SPTBN1: variants seen among roughly 807,000 people sequenced by gnomAD.
The protein encoded by SPTBN1 is spectrin beta chain, non-erythrocytic 1.
A neutral mutation model predicts 266.4 loss-of-function variants in SPTBN1; 32 were observed. The observed-to-expected ratio is 0.12, with a 90% CI of 0.09 to 0.16. The LOEUF (loss-of-function observed/expected upper bound fraction) is 0.16, where lower values mean the gene tolerates loss of function less well. Among genes scored for constraint, SPTBN1 ranks in the 10% least tolerant of loss-of-function variants. SPTBN1 has a pLI of 1.00. For synonymous variants in SPTBN1, 1,336 were observed against 1,162.2 expected (o/e 1.15, Z -3.04); for missense variants, 2,296 against 3,067.1 (o/e 0.75, Z 5.94).
At chr2:54,542,891 A>G (rs887664792) in intron 2 of SPTBN1, among the ~76,000 whole-genome samples, 1 of 152,218 alleles carries the variant, frequency 6.6e-6, no homozygotes, top group South Asian at 2.1e-4. Flanking sequence ...TTTGGTCACA[A>G]ATCTGCAAGG....
intron 2 of SPTBN1, among the ~76,000 whole-genome samples, chr2:54,550,880 G>C (rs780546432): frequency 1.3e-5 from 2 of 152,178 alleles, no homozygotes; most frequent in Non-Finnish European, 2.9e-5. Context: ...GGCTGAGAAC[G>C]TGTCAGATGA....
chr2:54,535,301 T>G (rs754347064), intron 2 of SPTBN1, among the ~76,000 whole-genome samples: 1 of 152,146 alleles, frequency 6.6e-6, no homozygotes, highest in Non-Finnish European at 1.5e-5. Flanking sequence ...CATTCAGCAG[T>G]TTTTAAAATA....
At chr2:54,576,907 GA>G (rs1471185161) in intron 2 of SPTBN1, among the ~76,000 whole-genome samples, 2 of 152,168 alleles carry the variant, frequency 1.3e-5, no homozygotes, top group Non-Finnish European at 2.9e-5. Context: ...CATTTTGGAG[GA>G]ATTGACATTG....
intron 17 of SPTBN1, among the ~76,000 whole-genome samples, chr2:54,635,512 A>G (rs1229704513): frequency 6.6e-6 from 1 of 152,252 alleles, no homozygotes; most frequent in East Asian, 1.9e-4. Context: ...TGGGCCGGTA[A>G]CTGCCGGGCA....
intron 2 of SPTBN1, among the ~76,000 whole-genome samples, chr2:54,578,384 T>G (rs1262262075): frequency 1.3e-5 from 2 of 152,218 alleles, no homozygotes; most frequent in East Asian, 1.9e-4. Flanking sequence ...TTGGTGTTTT[T>G]GGGCTAAGTG....
intron 2 of SPTBN1, chr2:54,559,028 A>T: frequency 1.1e-6 from 1 of 934,158 alleles, no homozygotes; most frequent in Non-Finnish European, 1.6e-6. Flanking sequence ...CCCATTCACG[A>T]CTTAGGGAAG....
At chr2:54,605,228 A>G (rs1676762565) in intron 3 of SPTBN1, among the ~76,000 whole-genome samples, 1 of 152,166 alleles carries the variant, frequency 6.6e-6, no homozygotes, top group Non-Finnish European at 1.5e-5. Flanking sequence ...ATAGCTCTTT[A>G]AAAAAATGAA....
chr2:54,541,630 G>A (rs748710192), intron 2 of SPTBN1, among the ~76,000 whole-genome samples: 6 of 152,112 alleles, frequency 3.9e-5, no homozygotes, highest in South Asian at 2.1e-4. Context: ...ATTATTGTCC[G>A]AACTGAATTT....
At chr2:54,477,674 G>A (rs537812537) in intron 1 of SPTBN1, among the ~76,000 whole-genome samples, 5 of 152,274 alleles carry the variant, frequency 3.3e-5, no homozygotes, top group Admixed American at 3.3e-4. Context: ...AGCACTTTGG[G>A]AGGCTGAGGT....
rs201961584 is a variant in SPTBN1, at chr2:54,644,357, C to T, written c.4040C>T (p.Thr1347Met). The stretch of plus-strand genomic sequence containing the variant: ...CAGCTCATTTCAGAAAAGCCTGAGA[C>T]GGAAGCTGTGGTGAAGGAGAAACTC... ...GMQLISEKPE[T>M]EAVVKEKLTG... The change falls in exon 20 of 36, where the codon ACG (threonine) becomes ATG (methionine). Residue 1347 changes from threonine (T) to methionine (M), a missense_variant. By Grantham distance (81) the Thr-to-Met change is moderately conservative. Around this residue, in one of 12 missense-constraint regions of SPTBN1, gnomAD observed 386 missense variants for 486.1 expected, o/e 0.79. Coordinates refer to ENST00000356805, the MANE Select transcript of SPTBN1 (RefSeq NM_003128.3). 167 of 1,613,026 alleles carry T rather than the reference C, an allele frequency of 1.0e-4. No individual in the cohort carries two copies. The highest frequency in any genetic ancestry group is 1.3e-4 in the Non-Finnish European group (154 of 1,179,142).
intron 2 of SPTBN1, among the ~76,000 whole-genome samples, chr2:54,545,011 G>A (rs966664955): frequency 1.3e-5 from 2 of 152,158 alleles, no homozygotes; most frequent in Admixed American, 6.5e-5. Flanking sequence ...CCACCTATGA[G>A]TAAGAACAAG....
chr2:54,610,862 A>G (rs1677160478), intron 3 of SPTBN1, among the ~76,000 whole-genome samples: 1 of 152,218 alleles, frequency 6.6e-6, no homozygotes. Context: ...GACACTGTGA[A>G]AAATACACAA....
chr2:54,593,290 G>C (rs999804734), intron 2 of SPTBN1, among the ~76,000 whole-genome samples: 5 of 152,100 alleles, frequency 3.3e-5, no homozygotes, highest in African/African-American at 9.7e-5. Context: ...AGAATTTGTG[G>C]TCCTGAGAAG....
chr2:54,575,557 A>G (rs912276354), intron 2 of SPTBN1, among the ~76,000 whole-genome samples: 1 of 152,292 alleles, frequency 6.6e-6, no homozygotes, highest in Non-Finnish European at 1.5e-5. Context: ...GCCTAAGGGC[A>G]TTTAACTTGA....
intron 2 of SPTBN1, chr2:54,557,783 T>G: frequency 1.1e-5 from 11 of 985,416 alleles, no homozygotes; most frequent in Non-Finnish European, 1.3e-5. Context: ...TCATATCCCC[T>G]GATGGCAGCG....
At chr2:54,490,798 A>G (rs1450129558) in intron 1 of SPTBN1, among the ~76,000 whole-genome samples, 1 of 152,126 alleles carries the variant, frequency 6.6e-6, no homozygotes, top group Non-Finnish European at 1.5e-5. Flanking sequence ...TGGAAAGATT[A>G]AGGTGTGGGA....
chr2:54,654,507 A>G (rs758948489), intron 27 of SPTBN1, among the ~76,000 whole-genome samples: 1 of 152,134 alleles, frequency 6.6e-6, no homozygotes, highest in Non-Finnish European at 1.5e-5. Flanking sequence ...ATTTTTTATG[A>G]TATATATTTT....
intron 1 of SPTBN1, 104 bp downstream of exon 1, chr2:54,456,622 C>G (rs1338817685): frequency 1.3e-5 from 2 of 151,392 alleles, no homozygotes; most frequent in African/African-American, 4.8e-5. Flanking sequence ...GGGCCCAGGG[C>G]CGGAGGACGC....
chr2:54,580,225 A>T (rs1256494537), intron 2 of SPTBN1, among the ~76,000 whole-genome samples: 1 of 152,208 alleles, frequency 6.6e-6, no homozygotes, highest in African/African-American at 2.4e-5. Context: ...TTTGAAGGTT[A>T]GTCTGGGGTG....
Sources: gnomAD v4.1 joint callset for allele counts (sites outside exome capture counted in the v4.1 genomes callset) on GRCh38, gnomAD v4.1.1 for gene constraint, gnomAD v4.1.1 regional missense constraint, MANE v1.5 for transcripts, NCBI Gene and HGNC (gene_info 2026-07-23, HGNC 2026-07-21) for gene names.